Variants in TNRC6B observed in about 807,000 individuals in gnomAD.
TNRC6B encodes the protein trinucleotide repeat containing adaptor 6B, also known as trinucleotide repeat-containing gene 6B protein.
Under a neutral mutation model 203.6 loss-of-function variants are expected in TNRC6B, and 52 were observed. The ratio of observed to expected loss-of-function variants is 0.26; its 90% CI spans 0.20 to 0.32. TNRC6B has a LOEUF of 0.32. TNRC6B is among the 10% of genes least tolerant of loss of function. The pLI is 1.00. For synonymous variants in TNRC6B, 838 were observed against 845.7 expected (o/e 0.99, Z 0.16); for missense variants, 1,923 against 2,286.2 (o/e 0.84, Z 3.24).
In TNRC6B at chr22:40,138,765, A is replaced by G. The variant is rs139600312; in HGVS notation, c.45+12903A>G. Among the ~76,000 whole-genome samples, 26 of 152,308 alleles carry G rather than the reference A, an allele frequency of 1.7e-4. No individual in the cohort carries two copies. In the East Asian group the frequency reaches 3.9e-3, roughly 23 times the overall value. On this transcript the variant is annotated intron_variant, in intron 3 of 23. Transcript: ENST00000301923. ...GCTCAAGTATAGAACTGTAGGAAGT[A>G]TTTCAGACTGTGTCCAACCTGAGCA...
In TNRC6B at chr22:40,065,470, T is replaced by C. The variant is rs527677241; in HGVS notation, c.-121+20472T>C. On this transcript the variant is annotated intron_variant, in intron 1 of 23. Transcript: ENST00000301923. ...TTTGCTTTATAGGAATTTTTTTTAT[T>C]ATGAATTTAGTTTATTATAGGCCTA... 3.6e-4 allele frequency among the ~76,000 whole-genome samples: 55 copies of C among 152,282 alleles called. 1 individual carries two copies. The highest frequency in any genetic ancestry group is 1.3e-3 in the African/African-American group (52 of 41,528).
chr22:40,097,956 G>A (rs1648352266), intron 1 of TNRC6B, among the ~76,000 whole-genome samples: 1 of 151,990 alleles, frequency 6.6e-6, no homozygotes, highest in South Asian at 2.1e-4. Context: ...TGGGACTACA[G>A]GTGTATGCCA....
In TNRC6B at chr22:40,323,320, TC is replaced by T; in HGVS notation, c.*80del. ...TAACTTGACCTTTTCGTTTTTTTTT[TC>T]AACTTGCAATAAATACATTTTTAAA... On this transcript the variant is annotated 3_prime_UTR_variant, in exon 23 of 23. Coordinates refer to ENST00000454349, the MANE Select transcript of TNRC6B (RefSeq NM_001162501.2). The T allele has an allele frequency of 3.4e-6, 5 of 1,467,348 alleles. No individual in the cohort carries two copies. The highest frequency in any genetic ancestry group is 2.7e-5 in the South Asian group (2 of 74,358). The allele number at this position is 1,467,348 out of a possible 1,614,324, so 90.9% of individuals were successfully genotyped here. A position where few individuals can be genotyped will look rare whatever the true frequency, so the allele number is the denominator to read the frequency against.
intron 1 of TNRC6B, among the ~76,000 whole-genome samples, chr22:40,216,757 T>C (rs917189527): frequency 4.6e-5 from 7 of 152,340 alleles, no homozygotes; most frequent in African/African-American, 1.7e-4. Context: ...AATCTACTTA[T>C]TAAACTGGAA....
intron 21 of TNRC6B, 124 bp downstream of exon 21, chr22:40,316,136 C>T (rs1218993246): frequency 2.5e-5 from 19 of 764,038 alleles, no homozygotes; most frequent in Non-Finnish European, 3.0e-5. Flanking sequence ...GGGTGCATCA[C>T]GAGGTCAGGA....
chr22:40,267,172 A>G lies in TNRC6B; in HGVS notation c.2806+136A>G, dbSNP rs181001826. On this transcript the variant is annotated intron_variant, in intron 5 of 22. Transcript: ENST00000454349. ...ACAGTTTCTACTCTGTTGCTAACAG[A>G]ACCTCTTTTTATGAAATGCTAGTGA... 6.7e-4 allele frequency: 604 copies of G among 906,008 alleles called. 5 individuals are homozygous for G. The African/African-American group carries it at 7.4e-3, about 11-fold the overall frequency. 56.1% of individuals were successfully genotyped at this position (906,008 alleles called of 1,614,324 possible). A position where few individuals can be genotyped will look rare whatever the true frequency, so the allele number is the denominator to read the frequency against.
chr22:40,181,242 G>A (rs2146380561), intron 1 of TNRC6B, among the ~76,000 whole-genome samples: 1 of 152,254 alleles, frequency 6.6e-6, no homozygotes, highest in Non-Finnish European at 1.5e-5. Flanking sequence ...CTCTACAAGA[G>A]ACACTAGAAG....
At chr22:40,097,856 C>T (rs714020) in intron 1 of TNRC6B, among the ~76,000 whole-genome samples, 57,891 of 151,810 alleles carry the variant, frequency 0.38, 16,644 homozygotes, top group African/African-American at 0.81. Context: ...ATCTTATTTA[C>T]TTATTTAAGA....
At chr22:40,075,336 G>C (rs1265050784) in intron 1 of TNRC6B, among the ~76,000 whole-genome samples, 2 of 150,664 alleles carry the variant, frequency 1.3e-5, no homozygotes, top group South Asian at 4.2e-4. Flanking sequence ...TACACATTTA[G>C]GATTTTTATG....
chr22:40,308,623 C>T lies in TNRC6B; in HGVS notation c.4232C>T (p.Thr1411Ile). Residue 1411 changes from threonine (T) to isoleucine (I), a missense_variant, in exon 16 of 23, where the codon ACA (threonine) becomes ATA (isoleucine). Coordinates refer to ENST00000454349, the MANE Select transcript of TNRC6B (RefSeq NM_001162501.2). ...ATGGAGGGGCTGCCCTCTGTAGCCA[C>T]ACAGGAAGCCAATATGCACAAAAAT... ...SMMEGLPSVA[T>I]QEANMHKNGA... 6.2e-7 allele frequency: 1 copy of T among 1,613,498 alleles called. No homozygotes were observed. Among genetic ancestry groups the T allele is most frequent in the Non-Finnish European group, 8.5e-7 (1 of 1,179,696 alleles).
intron 12 of TNRC6B, 33 bp downstream of exon 12, chr22:40,285,803 G>A: frequency 1.2e-6 from 2 of 1,610,872 alleles, no homozygotes; most frequent in Non-Finnish European, 1.7e-6. Context: ...GATTCAAAAT[G>A]AAAGACCATT....
chr22:40,096,257 A>G (rs915115378), intron 1 of TNRC6B, among the ~76,000 whole-genome samples: 2 of 152,204 alleles, frequency 1.3e-5, no homozygotes, highest in African/African-American at 4.8e-5. Context: ...GAGGACAATC[A>G]TTGGCCATAA....
At chr22:40,234,381 A>G (rs1395600948) in intron 1 of TNRC6B, among the ~76,000 whole-genome samples, 12 of 152,244 alleles carry the variant, frequency 7.9e-5, no homozygotes, top group Admixed American at 7.9e-4. Flanking sequence ...ATGAGATTTT[A>G]ACTAAGAAAT....
At chr22:40,118,603 A>G (rs2068412864) in intron 2 of TNRC6B, among the ~76,000 whole-genome samples, 1 of 152,254 alleles carries the variant, frequency 6.6e-6, no homozygotes, top group South Asian at 2.1e-4. Flanking sequence ...GTCATTGATT[A>G]ATTCAGTCAT....
intron 2 of TNRC6B, among the ~76,000 whole-genome samples, chr22:40,247,029 T>A (rs2146472534): frequency 6.6e-6 from 1 of 152,338 alleles, no homozygotes; most frequent in South Asian, 2.1e-4. Flanking sequence ...GCAGAGTGGT[T>A]AGAATGTACC....
At chr22:40,300,821 C>T (rs1291219603) in intron 13 of TNRC6B, 89 bp from the exon 14 acceptor site, 2 of 1,335,336 alleles carry the variant, frequency 1.5e-6, no homozygotes, top group Non-Finnish European at 2.1e-6. Context: ...ATTGTGTGAC[C>T]TGTACTTCAG....
chr22:40,167,194 G>A (rs1009947138), intron 4 of TNRC6B, among the ~76,000 whole-genome samples: 4 of 152,104 alleles, frequency 2.6e-5, no homozygotes, highest in Non-Finnish European at 1.5e-5. Flanking sequence ...CATAAATTTA[G>A]TTTATTCCAT....
chr22:40,236,029 TGTATGCCATTCCAACAATG>T (rs1249349170), intron 1 of TNRC6B, among the ~76,000 whole-genome samples: 2 of 152,248 alleles, frequency 1.3e-5, no homozygotes, highest in Non-Finnish European at 1.5e-5. Context: ...AGAGAGATTC[TGTATGCCATTCCAACAATG>T]GTAACTTCTT....
intron 3 of TNRC6B, among the ~76,000 whole-genome samples, chr22:40,132,960 A>AAT (rs2068563268): frequency 8.6e-5 from 10 of 116,772 alleles, no homozygotes; most frequent in African/African-American, 2.9e-4. Flanking sequence ...AAAAAAAAAA[A>AAT]AAAAAAAAAA....
Sources: gnomAD v4.1 joint callset for allele counts (sites outside exome capture counted in the v4.1 genomes callset) on GRCh38, gnomAD v4.1.1 for gene constraint, MANE v1.5 for transcripts, NCBI Gene and HGNC (gene_info 2026-07-23, HGNC 2026-07-21) for gene names.